The following STK32B variants were observed in gnomAD, a reference collection of about 807,000 sequenced individuals.
STK32B encodes the protein serine/threonine-protein kinase 32B.
Under a neutral mutation model 52.6 loss-of-function variants are expected in STK32B, and 43 were observed. That is an observed-to-expected ratio of 0.82 (90% confidence interval 0.64 to 1.05). The LOEUF (loss-of-function observed/expected upper bound fraction) is 1.05. Ranked by LOEUF, STK32B falls within the 50% of genes least tolerant of loss-of-function variation. The probability of loss-of-function intolerance (pLI) is 0.00; values close to 1 mark genes in which losing one functional copy is unlikely to be tolerated. For synonymous variants in STK32B, 238 were observed against 204.3 expected, an observed-to-expected ratio of 1.17 and a Z score of -1.41; for missense variants, 621 against 534.6, an observed-to-expected ratio of 1.16 and a Z score of -1.59.
intron 1 of STK32B, among the ~76,000 whole-genome samples, chr4:5,067,394 T>TG (rs906977175): frequency 6.6e-5 from 10 of 152,218 alleles, no homozygotes; most frequent in Admixed American, 5.9e-4. Flanking sequence ...TCCACAAGGA[T>TG]GGGGTCTGTG....
At chr4:5,377,211 C>T (rs1040639255) in intron 4 of STK32B, among the ~76,000 whole-genome samples, 29 of 152,176 alleles carry the variant, frequency 1.9e-4, no homozygotes, top group African/African-American at 6.3e-4. Flanking sequence ...CCAACCCCAA[C>T]GCTAACATTT....
intron 1 of STK32B, among the ~76,000 whole-genome samples, chr4:5,088,351 G>A (rs1712854294): frequency 6.6e-6 from 1 of 151,878 alleles, no homozygotes; most frequent in African/African-American, 2.4e-5. Context: ...TAATTAATGG[G>A]TACAAAAAAT....
At chr4:5,160,797 GT>G (rs1577123038) in intron 2 of STK32B, among the ~76,000 whole-genome samples, 1 of 152,354 alleles carries the variant, frequency 6.6e-6, no homozygotes, top group East Asian at 1.9e-4. Flanking sequence ...CAGGAAGCAT[GT>G]CCTGTGATGG....
intron 1 of STK32B, among the ~76,000 whole-genome samples, chr4:5,128,714 T>A (rs1224290261): frequency 1.3e-5 from 2 of 152,100 alleles, no homozygotes; most frequent in Non-Finnish European, 2.9e-5. Context: ...GGAGGAAAAG[T>A]CTCTTCTGAA....
intron 3 of STK32B, among the ~76,000 whole-genome samples, chr4:5,185,934 G>A (rs531486979): frequency 6.6e-6 from 1 of 152,250 alleles, no homozygotes; most frequent in Admixed American, 6.5e-5. Context: ...TGGTTTGTGG[G>A]TGATCTGTCA....
At chr4:5,321,327 G>A (rs1221410100) in intron 3 of STK32B, among the ~76,000 whole-genome samples, 1 of 152,182 alleles carries the variant, frequency 6.6e-6, no homozygotes, top group African/African-American at 2.4e-5. Context: ...GCATATGTGA[G>A]TTATCATTTA....
intron 11 of STK32B, among the ~76,000 whole-genome samples, chr4:5,480,917 A>G (rs1456429068): frequency 6.6e-6 from 1 of 152,022 alleles, no homozygotes; most frequent in East Asian, 1.9e-4. Flanking sequence ...TGAACTCATC[A>G]TTTTTTATGG....
At chr4:5,427,925 CCTT>C (rs1423605641) in intron 6 of STK32B, among the ~76,000 whole-genome samples, 1 of 150,882 alleles carries the variant, frequency 6.6e-6, no homozygotes, top group African/African-American at 2.4e-5. Context: ...CTTATGCCCT[CCTT>C]CTCTCTGCTT....
intron 3 of STK32B, among the ~76,000 whole-genome samples, chr4:5,319,862 T>A (rs1731371925): frequency 6.6e-6 from 1 of 152,176 alleles, no homozygotes; most frequent in Admixed American, 6.5e-5. Flanking sequence ...AGGATGTGGC[T>A]GCCTCTGCTG....
rs150521100 is a variant in STK32B at position 5,455,759 on chromosome 4, G to A, written c.667-1048G>A. Among the ~76,000 whole-genome samples the A allele has an allele frequency of 2.0e-3, 298 of 152,250 alleles. 3 individuals carry two copies. Among genetic ancestry groups the A allele is most frequent in the Middle Eastern group, 6.8e-3 (2 of 294 alleles). On this transcript the variant is annotated intron_variant, in intron 7 of 11. Transcript: ENST00000282908. The stretch of plus-strand genomic sequence containing the variant: ...CGATGACAGACACTACTGGGGCCCC[G>A]AGAACACAGAAATGAGCGTGGTCAA...
intron 3 of STK32B, among the ~76,000 whole-genome samples, chr4:5,239,532 G>T (rs768196281): frequency 6.6e-6 from 1 of 152,036 alleles, no homozygotes; most frequent in Admixed American, 6.6e-5. Context: ...CTAAGCATGC[G>T]GGAGATGCTG....
At chr4:5,120,333 C>T (rs999703841) in intron 1 of STK32B, among the ~76,000 whole-genome samples, 5 of 152,108 alleles carry the variant, frequency 3.3e-5, no homozygotes, top group Non-Finnish European at 5.9e-5. Flanking sequence ...CATCTCATCA[C>T]GTAGGCATTT....
Position 5,386,578 on chromosome 4 carries a change from T to C in STK32B, c.435-11629T>C, listed in dbSNP as rs1405133232. The stretch of plus-strand genomic sequence containing the variant: ...TAAGGAGAGGGAGAAACACAATTAT[T>C]TCTTAGATCCCTTTTGGCTCTAAAA... On this transcript the variant is annotated intron_variant, in intron 4 of 11. Transcript: ENST00000282908. This position sits in a 1 kb window ranked among gnomAD's most constrained non-coding sequence, Gnocchi z 4.5. Among the ~76,000 whole-genome samples the C allele has an allele frequency of 2.0e-5, 3 of 152,204 alleles. No individual in the cohort carries two copies. The highest frequency in any genetic ancestry group is 7.2e-5 in the African/African-American group (3 of 41,456).
At chr4:5,272,165 T>C (rs1341399521) in intron 3 of STK32B, among the ~76,000 whole-genome samples, 1 of 143,548 alleles carries the variant, frequency 7.0e-6, no homozygotes, top group Non-Finnish European at 1.5e-5. Context: ...TCTTATTATT[T>C]TGAAATACAT....
intron 3 of STK32B, among the ~76,000 whole-genome samples, chr4:5,300,677 T>G (rs1256703994): frequency 6.6e-6 from 1 of 152,150 alleles, no homozygotes; most frequent in African/African-American, 2.4e-5. Context: ...AAGAATGCAA[T>G]TTCATTTACA....
At chr4:5,390,711 A>G (rs1158642222) in intron 4 of STK32B, among the ~76,000 whole-genome samples, 1 of 152,132 alleles carries the variant, frequency 6.6e-6, no homozygotes. Context: ...TTTAAGTAGC[A>G]CAGACTGGAT....
intron 4 of STK32B, among the ~76,000 whole-genome samples, chr4:5,356,601 T>C (rs1220660016): frequency 1.3e-5 from 2 of 152,198 alleles, no homozygotes; most frequent in South Asian, 2.1e-4. Flanking sequence ...CAGTCGCTTA[T>C]TGTGTATATG....
At chr4:5,158,619 T>C (rs1286573729) in intron 2 of STK32B, among the ~76,000 whole-genome samples, 1 of 151,972 alleles carries the variant, frequency 6.6e-6, no homozygotes, top group Non-Finnish European at 1.5e-5. Context: ...CACTGCAGAG[T>C]TGGGGGCGGA....
At chr4:5,495,025 A>C (rs1235879663) in intron 11 of STK32B, among the ~76,000 whole-genome samples, 2 of 151,882 alleles carry the variant, frequency 1.3e-5, no homozygotes, top group East Asian at 3.9e-4. Flanking sequence ...CCTTCATTTC[A>C]ACTTTGGTGA....
Sources: allele counts gnomAD v4.1 joint callset (sites outside exome capture counted in the v4.1 genomes callset), GRCh38; gene constraint gnomAD v4.1.1; non-coding constraint Gnocchi (gnomAD v3.1); transcripts MANE v1.5; gene names NCBI Gene and HGNC (gene_info 2026-07-23, HGNC 2026-07-21).